Variants in MYRIP observed in about 807,000 individuals in gnomAD.
MYRIP encodes myosin VIIA and Rab interacting protein.
MYRIP carries 49 observed loss-of-function variants against 98.0 expected under a neutral mutation model. The observed-to-expected ratio is 0.50, with a 90% confidence interval of 0.40 to 0.63. MYRIP has a LOEUF of 0.63. Ranked by LOEUF, MYRIP falls within the 30% of genes least tolerant of loss-of-function variation. The pLI, the probability that MYRIP is intolerant of heterozygous loss-of-function variation, is 0.00. For synonymous variants in MYRIP, 404 were observed against 409.5 expected (o/e 0.99, Z 0.16); for missense variants, 1,004 against 1,058.2 (o/e 0.95, Z 0.71).
chr3:39,877,198 C>T, intron 1 of MYRIP, among the ~76,000 whole-genome samples: 2 of 152,186 alleles, frequency 1.3e-5, no homozygotes, highest in Non-Finnish European at 2.9e-5. Flanking sequence ...TCCACCAGCT[C>T]CTTTAAGCAC....
intron 2 of MYRIP, among the ~76,000 whole-genome samples, chr3:40,022,347 C>T (rs983795207): frequency 2.0e-5 from 3 of 152,096 alleles, no homozygotes; most frequent in African/African-American, 7.2e-5. Context: ...CTATGCATGG[C>T]AGAACTAGAG....
chr3:40,243,930 T>A (rs1953104370), intron 12 of MYRIP, among the ~76,000 whole-genome samples: 1 of 152,214 alleles, frequency 6.6e-6, no homozygotes, highest in Non-Finnish European at 1.5e-5. Flanking sequence ...AAACTTCAGG[T>A]TTATTTTAAT....
chr3:39,833,738 G>A (rs2125587060), intron 1 of MYRIP, among the ~76,000 whole-genome samples: 1 of 152,204 alleles, frequency 6.6e-6, no homozygotes, highest in African/African-American at 2.4e-5. Context: ...TGAAAAACTA[G>A]GGCCAGGCAC....
chr3:40,031,594 C>G (rs116145404), intron 2 of MYRIP, among the ~76,000 whole-genome samples: 265 of 152,216 alleles, frequency 1.7e-3, no homozygotes, highest in African/African-American at 6.0e-3. Flanking sequence ...ATTTTGCCTA[C>G]TGGCTTAGCG....
At chr3:40,229,950 AAG>A (rs756419301) in intron 11 of MYRIP, among the ~76,000 whole-genome samples, 6 of 152,210 alleles carry the variant, frequency 3.9e-5, no homozygotes, top group East Asian at 1.9e-4. Flanking sequence ...ATTTTAAAAA[AAG>A]AGAATTTTGC....
intron 2 of MYRIP, among the ~76,000 whole-genome samples, chr3:40,012,622 G>A (rs1056562313): frequency 2.0e-5 from 3 of 152,188 alleles, no homozygotes; most frequent in African/African-American, 7.2e-5. Context: ...CTCCCCGCTT[G>A]TGGATGGGCA....
At chr3:39,995,906 C>G (rs1012192635) in intron 2 of MYRIP, among the ~76,000 whole-genome samples, 1 of 152,230 alleles carries the variant, frequency 6.6e-6, no homozygotes, top group South Asian at 2.1e-4. Flanking sequence ...GAATTTTCAA[C>G]CCAGAATTTC....
Position 40,045,217 on chromosome 3 carries a change from A to G in MYRIP, c.332+946A>G, listed in dbSNP as rs114892683. ...ATGCATCAAGACCTAGAATTTTCCC[A>G]TAGAGCTAGTTAATGGGGACAGCTG... On this transcript the variant is annotated intron_variant, in intron 3 of 16. Coordinates refer to ENST00000302541, the MANE Select transcript of MYRIP (RefSeq NM_015460.4). Among the ~76,000 whole-genome samples the G allele has an allele frequency of 2.2e-3, 340 of 152,220 alleles. 3 individuals carry two copies. Among genetic ancestry groups the G allele is most frequent in the African/African-American group, 7.6e-3 (315 of 41,530 alleles).
intron 1 of MYRIP, among the ~76,000 whole-genome samples, chr3:39,899,339 A>G (rs1220794842): frequency 6.6e-6 from 1 of 152,204 alleles, no homozygotes; most frequent in Non-Finnish European, 1.5e-5. Context: ...ATTCTATTGT[A>G]TAAAACAAAT....
chr3:40,158,227 T>G (rs867693351), intron 4 of MYRIP, among the ~76,000 whole-genome samples: 1 of 152,198 alleles, frequency 6.6e-6, no homozygotes, highest in Non-Finnish European at 1.5e-5. Context: ...AAGAACATAT[T>G]TATTTCTGCC....
chr3:40,146,286 T>C (rs750336216), intron 3 of MYRIP, among the ~76,000 whole-genome samples: 2 of 152,180 alleles, frequency 1.3e-5, no homozygotes, highest in Non-Finnish European at 2.9e-5. Context: ...AAGGCCTGAA[T>C]GAAGTGTCGG....
At chr3:39,880,233 T>C (rs1943125263) in intron 1 of MYRIP, among the ~76,000 whole-genome samples, 1 of 152,146 alleles carries the variant, frequency 6.6e-6, no homozygotes, top group Non-Finnish European at 1.5e-5. Context: ...ATTCCTCAAA[T>C]ATTTGTCATC....
intron 2 of MYRIP, among the ~76,000 whole-genome samples, chr3:40,002,994 GTATA>G (rs1946553668): frequency 1.3e-5 from 2 of 150,458 alleles, no homozygotes; most frequent in Admixed American, 1.3e-4. Flanking sequence ...ACATCTATAG[GTATA>G]TATACATGTA....
chr3:40,114,039 C>A (rs774085311), intron 3 of MYRIP, among the ~76,000 whole-genome samples: 14 of 152,210 alleles, frequency 9.2e-5, no homozygotes, highest in Middle Eastern at 3.4e-3. Flanking sequence ...CTAGGAAACA[C>A]ATAAAGCCCA....
At position 40,229,933 on chromosome 3, in the gene MYRIP, A is replaced by G. The variant is rs190610747; in HGVS notation, c.1906-3926A>G. On this transcript the variant is annotated intron_variant, in intron 11 of 16. Transcript: ENST00000302541. ...CCTGCACTAAGGCATATTGGCATAC[A>G]CTTGGCATTTTAAAAAAAGAGAATT... is the stretch of plus-strand genomic sequence containing the variant. Among the ~76,000 whole-genome samples the G allele has an allele frequency of 2.3e-3, 354 of 152,288 alleles. 2 individuals are homozygous for G. Among genetic ancestry groups the G allele is most frequent in the African/African-American group, 8.1e-3 (337 of 41,570 alleles).
At chr3:40,054,091 A>G (rs972866899) in intron 3 of MYRIP, among the ~76,000 whole-genome samples, 2 of 152,158 alleles carry the variant, frequency 1.3e-5, no homozygotes, top group Non-Finnish European at 2.9e-5. Context: ...TATCTGGACC[A>G]CAGAGGATGA....
At chr3:40,135,423 T>G (rs1374663561) in intron 3 of MYRIP, among the ~76,000 whole-genome samples, 1 of 152,188 alleles carries the variant, frequency 6.6e-6, no homozygotes, top group African/African-American at 2.4e-5. Flanking sequence ...TATCTGAAAG[T>G]GACGGGAAGA....
Position 39,813,226 on chromosome 3 carries a change from G to C in MYRIP, c.-31+3310G>C, listed in dbSNP as rs1405924489. 2.0e-5 allele frequency among the ~76,000 whole-genome samples: 3 copies of C among 152,332 alleles called. No homozygotes were observed. In the East Asian group the frequency reaches 5.8e-4, roughly 29 times the overall value. On this transcript the variant is annotated intron_variant, in intron 1 of 16. Transcript: ENST00000302541. ...CCCTGGCTGTAGCCACGCTACTGTTGCTGGAAGACATGTCCCAAAATCCCA... is the reference window on the plus strand; with the variant it reads ...CCCTGGCTGTAGCCACGCTACTGTTCCTGGAAGACATGTCCCAAAATCCCA...
At chr3:39,916,500 A>G (rs780988853) in intron 2 of MYRIP, among the ~76,000 whole-genome samples, 1 of 152,090 alleles carries the variant, frequency 6.6e-6, no homozygotes, top group Non-Finnish European at 1.5e-5. Flanking sequence ...ATGCCATTAT[A>G]TTACAAAGTA....
Sources: gnomAD v4.1 joint callset for allele counts (sites outside exome capture counted in the v4.1 genomes callset) on GRCh38, gnomAD v4.1.1 for gene constraint, MANE v1.5 for transcripts, NCBI Gene and HGNC (gene_info 2026-07-23, HGNC 2026-07-21) for gene names.